PAK2: variants seen among roughly 807,000 people sequenced by gnomAD.
PAK2 encodes p21 (RAC1) activated kinase 2.
In PAK2, 21 loss-of-function variants were observed where a neutral mutation model predicts 65.9. The ratio of observed to expected loss-of-function variants is 0.32; its 90% confidence interval spans 0.23 to 0.46. The LOEUF is 0.46. Ranked by LOEUF, PAK2 falls within the 20% of genes least tolerant of loss-of-function variation. The pLI, the probability that PAK2 is intolerant of heterozygous loss-of-function variation, is 1.00. For synonymous variants in PAK2, 204 were observed against 219.7 expected, an observed-to-expected ratio of 0.93 and a Z score of 0.63; for missense variants, 324 against 642.6, an observed-to-expected ratio of 0.50 and a Z score of 5.36.
chr3:196,825,656 A>T (rs1361657035), intron 13 of PAK2, among the ~76,000 whole-genome samples: 10 of 152,054 alleles, frequency 6.6e-5, no homozygotes, highest in African/African-American at 1.4e-4. Flanking sequence ...AATAAATAAT[A>T]AATAAATAAA....
At chr3:196,824,796 C>G (rs1447580298) in intron 13 of PAK2, among the ~76,000 whole-genome samples, 1 of 150,608 alleles carries the variant, frequency 6.6e-6, no homozygotes, top group Non-Finnish European at 1.5e-5. Context: ...GCCTGGGCAA[C>G]ATATCGAGAA....
rs760540968 is a variant in PAK2 at position 196,820,585 on chromosome 3, C to G, written c.1350+18C>G. On this transcript the variant is annotated intron_variant, in intron 13 of 14. Coordinates refer to ENST00000327134, the MANE Select transcript of PAK2 (RefSeq NM_002577.4). The surrounding 1 kb of genome is among the most constrained non-coding windows in gnomAD (Gnocchi z 4.6). ...CCTTGAGGGTAAGATGAGTTAAACA[C>G]CAGCCTTGTTCAATGTTTTTCTTTG... The G allele has an allele frequency of 7.3e-7, 1 of 1,368,358 alleles. No homozygotes were observed. Among genetic ancestry groups the G allele is most frequent in the Non-Finnish European group, 1.0e-6 (1 of 989,616 alleles). The allele number at this position is 1,368,358 out of a possible 1,614,324, so 84.8% of individuals were successfully genotyped here.
At chr3:196,779,513 A>G (rs1714639510) in intron 1 of PAK2, among the ~76,000 whole-genome samples, 1 of 152,190 alleles carries the variant, frequency 6.6e-6, no homozygotes, top group Non-Finnish European at 1.5e-5. Flanking sequence ...ATTCTGGAAC[A>G]TATGCTGTTA....
intron 1 of PAK2, among the ~76,000 whole-genome samples, chr3:196,754,750 C>A (rs1432019151): frequency 6.6e-6 from 1 of 152,204 alleles, no homozygotes; most frequent in Non-Finnish European, 1.5e-5. Flanking sequence ...CACACGGGCG[C>A]AGACACACAC....
rs900163206 is a variant in PAK2, at chr3:196,791,002, T to C, written c.187+8169T>C. On this transcript the variant is annotated intron_variant, in intron 2 of 14. Transcript: ENST00000327134. This position sits in a 1 kb window ranked among gnomAD's most constrained non-coding sequence, Gnocchi z 4.0. ...AATCTGGCTACCTTCAGCCAAACTT[T>C]GAAGCTATGCAAAACTCCCCGGCCT... Among the ~76,000 whole-genome samples, 13 of 152,208 alleles carry C rather than the reference T, an allele frequency of 8.5e-5. No homozygotes were observed. Among genetic ancestry groups the C allele is most frequent in the African/African-American group, 3.1e-4 (13 of 41,446 alleles).
In PAK2 at chr3:196,746,724, C is replaced by T. The variant is rs868434239; in HGVS notation, c.-22+6567C>T. 5.9e-5 allele frequency among the ~76,000 whole-genome samples: 9 copies of T among 151,372 alleles called. 1 individual carries two copies. In the South Asian group the frequency reaches 1.3e-3, roughly 21 times the overall value. On this transcript the variant is annotated intron_variant, in intron 1 of 14. Transcript: ENST00000327134. ...ACTCGGGAGGCTGAGGCAGGAGAAT[C>T]GCTTGAACCCGGGAGGCGGAGGTTG...
chr3:196,820,981 G>T lies in PAK2; in HGVS notation c.1350+414G>T, dbSNP rs1355390707. Among the ~76,000 whole-genome samples, 6 of 151,964 alleles carry T rather than the reference G, an allele frequency of 3.9e-5. No homozygotes were observed. Among genetic ancestry groups the T allele is most frequent in the Admixed American group, 3.9e-4 (6 of 15,234 alleles). The stretch of plus-strand genomic sequence containing the variant: ...CAGCCTCCTGAGTAGCTGGGACTAT[G>T]GGTGCGTGCCACCACACCCAGCTGA... On this transcript the variant is annotated intron_variant, in intron 13 of 14. Transcript: ENST00000327134. The surrounding 1 kb of genome is among the most constrained non-coding windows in gnomAD (Gnocchi z 4.6).
At chr3:196,815,629 A>G (rs1031020795) in intron 11 of PAK2, among the ~76,000 whole-genome samples, 4 of 152,012 alleles carry the variant, frequency 2.6e-5, no homozygotes, top group Non-Finnish European at 4.4e-5. Flanking sequence ...TCTACTAAAA[A>G]TACAAAAATT....
Position 196,797,049 on chromosome 3 carries a change from A to G in PAK2, c.188-4878A>G, listed in dbSNP as rs886337196. On this transcript the variant is annotated intron_variant, in intron 2 of 14. Coordinates refer to ENST00000327134, the MANE Select transcript of PAK2 (RefSeq NM_002577.4). The stretch of plus-strand genomic sequence containing the variant: ...AAGTAGACATAAAATCGCTAAGGAT[A>G]TAAAAAATTTGAACGTAACTATCAG... 7.7e-5 allele frequency among the ~76,000 whole-genome samples: 11 copies of G among 143,114 alleles called. 1 individual carries two copies. Among genetic ancestry groups the G allele is most frequent in the Non-Finnish European group, 1.4e-4 (9 of 65,890 alleles). The allele number at this position is 143,114 out of a possible 152,430, so 93.9% of individuals were successfully genotyped here.
intron 2 of PAK2, among the ~76,000 whole-genome samples, chr3:196,783,463 T>C (rs923814914): frequency 2.0e-5 from 3 of 151,724 alleles, no homozygotes; most frequent in African/African-American, 7.3e-5. Flanking sequence ...GTGCCTGTAA[T>C]CCCAGCTACT....
intron 1 of PAK2, among the ~76,000 whole-genome samples, chr3:196,765,858 C>T (rs1273577413): frequency 6.6e-6 from 1 of 151,302 alleles, no homozygotes; most frequent in Non-Finnish European, 1.5e-5. Context: ...TAACACTTTG[C>T]TAGGTGCTCC....
rs143947052 is a variant in PAK2, at chr3:196,827,105, T to C, written c.1351-91T>C. The C allele has an allele frequency of 6.6e-4, 461 of 701,652 alleles. 1 individual carries two copies. In the African/African-American group the frequency reaches 7.4e-3, roughly 11 times the overall value. 43.5% of individuals were successfully genotyped at this position (701,652 alleles called of 1,614,324 possible). A position where few individuals can be genotyped will look rare whatever the true frequency, so the allele number is the denominator to read the frequency against. On this transcript the variant is annotated intron_variant, in intron 13 of 14. Transcript: ENST00000327134. ...GTTTAGTATTTATGGTGATTTTCTT[T>C]AAAGAAGAAAGAATCCCTTAGACTT...
chr3:196,827,004 A>G (rs1010350802), intron 13 of PAK2, among the ~76,000 whole-genome samples, 192 bp from the exon 14 acceptor site: 13 of 152,218 alleles, frequency 8.5e-5, no homozygotes, highest in African/African-American at 2.4e-4. Flanking sequence ...TCAGAAAAGT[A>G]ACTTAAGGAA....
intron 1 of PAK2, among the ~76,000 whole-genome samples, chr3:196,777,147 A>G (rs139266811): frequency 6.6e-6 from 1 of 152,292 alleles, no homozygotes; most frequent in African/African-American, 2.4e-5. Context: ...AATGTATGAC[A>G]TGTAATGGGT....
chr3:196,785,565 C>T (rs564350007), intron 2 of PAK2, among the ~76,000 whole-genome samples: 102 of 152,248 alleles, frequency 6.7e-4, no homozygotes, highest in African/African-American at 2.3e-3. Flanking sequence ...AGCATCTTTT[C>T]GGGTTAATTG....
chr3:196,799,950 G>C (rs1715368343), intron 2 of PAK2, among the ~76,000 whole-genome samples: 1 of 152,226 alleles, frequency 6.6e-6, no homozygotes, highest in Non-Finnish European at 1.5e-5. Context: ...TGCATAGGCA[G>C]TGGTATTCTG....
At chr3:196,821,471 G>T (rs1014318101) in intron 13 of PAK2, among the ~76,000 whole-genome samples, 2 of 152,254 alleles carry the variant, frequency 1.3e-5, no homozygotes, top group Admixed American at 1.3e-4. Flanking sequence ...GGAGGCTGGG[G>T]TTGGAAGTTC....
intron 1 of PAK2, among the ~76,000 whole-genome samples, chr3:196,741,935 T>A (rs1171481388): frequency 6.6e-6 from 1 of 152,190 alleles, no homozygotes; most frequent in East Asian, 1.9e-4. Flanking sequence ...TATGGTTTAC[T>A]CTCATTCAGA....
chr3:196,751,694 T>TATATATATATATATATATA (rs1211217848), intron 1 of PAK2, among the ~76,000 whole-genome samples: 2 of 45,830 alleles, frequency 4.4e-5, no homozygotes, highest in African/African-American at 2.3e-4. Context: ...TATATATATA[T>TATATATATATATATATATA]AATTCAGGCT....
Sources: gnomAD v4.1 joint callset for allele counts (sites outside exome capture counted in the v4.1 genomes callset) on GRCh38, gnomAD v4.1.1 for gene constraint, Gnocchi (gnomAD v3.1) non-coding constraint, MANE v1.5 for transcripts, NCBI Gene and HGNC (gene_info 2026-07-23, HGNC 2026-07-21) for gene names.